Variants in PECAM1 observed in about 807,000 individuals in gnomAD.
The protein encoded by PECAM1 is platelet and endothelial cell adhesion molecule 1, also known as platelet endothelial cell adhesion molecule.
A neutral mutation model predicts 13.8 loss-of-function variants in PECAM1; 8 were observed. That is an observed-to-expected ratio of 0.58 (90% CI 0.34 to 1.05). The LOEUF (loss-of-function observed/expected upper bound fraction) is 1.05, where lower values mean the gene tolerates loss of function less well. PECAM1 is among the 50% of genes least tolerant of loss of function. The probability of loss-of-function intolerance (pLI) is 0.03; values close to 1 mark genes in which losing one functional copy is unlikely to be tolerated. For missense variants in PECAM1, 304 were observed against 141.2 expected, an observed-to-expected ratio of 2.15 and a Z score of -5.84; for synonymous variants, 136 against 52.6, an observed-to-expected ratio of 2.58 and a Z score of -6.86.
Position 64,350,735 on chromosome 17 carries a change from A to G in PECAM1, c.1991-302T>C, listed in dbSNP as rs2035703308. Among the ~76,000 whole-genome samples the G allele has an allele frequency of 2.7e-5, 4 of 146,758 alleles. No individual in the cohort carries two copies. The Admixed American group carries it at 2.8e-4, about 10-fold the overall frequency. ...CGGCTCACTGCAGCCTCCTCCTCCC[A>G]GATTCCAGCGATTCTCCTAGTCTCG... On this transcript the variant is annotated intron_variant, in intron 11 of 15. Coordinates refer to ENST00000563924, the MANE Select transcript of PECAM1 (RefSeq NM_000442.5).
chr17:64,368,935 T>C (rs1249456273), intron 5 of PECAM1, among the ~76,000 whole-genome samples: 20 of 104,716 alleles, frequency 1.9e-4, no homozygotes, highest in Non-Finnish European at 3.6e-4. Context: ...TCATTTCTTT[T>C]TTTTTTTTTT....
chr17:64,345,586 G>A (rs1274203663), intron 13 of PECAM1, among the ~76,000 whole-genome samples: 5 of 151,872 alleles, frequency 3.3e-5, no homozygotes, highest in South Asian at 2.1e-4. Context: ...GGTGGTGGGC[G>A]CCTGTAACCC....
Position 64,341,672 on chromosome 17 carries a change from G to A in PECAM1, c.2126C>T (p.Thr709Ile). 1 of 450,168 alleles carries A rather than the reference G, an allele frequency of 2.2e-6. No individual in the cohort carries two copies. The highest frequency in any genetic ancestry group is 4.1e-6 in the Non-Finnish European group (1 of 246,802). 27.9% of individuals were successfully genotyped at this position (450,168 alleles called of 1,614,324 possible). A position where few individuals can be genotyped will look rare whatever the true frequency, so the allele number is the denominator to read the frequency against. ...CCGGACTTCACTGTACACTGTCTCTGTGTCCTTCTTTCCTAGATCTGGAAA... is the reference window on the plus strand; with the variant it reads ...CCGGACTTCACTGTACACTGTCTCTATGTCCTTCTTTCCTAGATCTGGAAA... ...ESHKDLGKKD[T>I]ETVYSEVRKA... Residue 709 changes from threonine to isoleucine, a missense_variant, in exon 14 of 16, where the codon ACA (threonine) becomes ATA (isoleucine). Coordinates refer to ENST00000563924, the MANE Select transcript of PECAM1 (RefSeq NM_000442.5).
intron 13 of PECAM1, among the ~76,000 whole-genome samples, chr17:64,347,324 G>A (rs888869143): frequency 2.6e-5 from 4 of 151,596 alleles, no homozygotes; most frequent in East Asian, 3.9e-4. Flanking sequence ...TCGAGTTCAC[G>A]CTGGCCAACA....
intron 2 of PECAM1, among the ~76,000 whole-genome samples, chr17:64,385,072 A>G (rs1369178392): frequency 6.6e-6 from 1 of 152,204 alleles, no homozygotes; most frequent in Non-Finnish European, 1.5e-5. Context: ...AATTGTGTGC[A>G]AATGTGTGCT....
At chr17:64,365,991 A>T (rs2036095099) in intron 5 of PECAM1, among the ~76,000 whole-genome samples, 1 of 151,876 alleles carries the variant, frequency 6.6e-6, no homozygotes, top group Non-Finnish European at 1.5e-5. Flanking sequence ...ATTAAACTAA[A>T]GAGTTTCTGC....
chr17:64,385,756 T>G (rs1311232425), intron 2 of PECAM1, among the ~76,000 whole-genome samples: 1 of 152,132 alleles, frequency 6.6e-6, no homozygotes, highest in African/African-American at 2.4e-5. Context: ...AAGTGACCAC[T>G]GAACTGAGCC....
chr17:64,377,184 C>T (rs1395381311), intron 3 of PECAM1, among the ~76,000 whole-genome samples: 2 of 152,074 alleles, frequency 1.3e-5, no homozygotes, highest in Admixed American at 6.6e-5. Context: ...GACTGCAGAA[C>T]GAGGTGTCTT....
At chr17:64,345,310 C>T (rs1482496578) in intron 13 of PECAM1, among the ~76,000 whole-genome samples, 1 of 152,156 alleles carries the variant, frequency 6.6e-6, no homozygotes, top group Non-Finnish European at 1.5e-5. Flanking sequence ...TTCCTGGCTG[C>T]CTCTCAGGCT....
intron 13 of PECAM1, among the ~76,000 whole-genome samples, chr17:64,346,125 G>A (rs1347950819): frequency 6.6e-6 from 1 of 152,192 alleles, no homozygotes; most frequent in African/African-American, 2.4e-5. Flanking sequence ...TGCCTGGCTA[G>A]GTGGATGCAG....
intron 2 of PECAM1, among the ~76,000 whole-genome samples, chr17:64,380,448 C>G (rs1490805081): frequency 6.6e-6 from 1 of 152,234 alleles, no homozygotes; most frequent in East Asian, 1.9e-4. Flanking sequence ...CCCTACACGT[C>G]CCCCCAGAAA....
chr17:64,342,352 G>A (rs1182808902), intron 13 of PECAM1, among the ~76,000 whole-genome samples: 16 of 152,090 alleles, frequency 1.1e-4, no homozygotes, highest in Admixed American at 6.6e-5. Context: ...CCCTGCCACC[G>A]TGACCCTTGT....
rs2036027455 is a variant in PECAM1, at chr17:64,363,269, C to T, written c.1096G>A (p.Val366Met). Residue 366 changes from valine to methionine, a missense_variant, in exon 6 of 16, where the codon GTG becomes ATG. Physicochemically the swap from Val to Met is conservative, Grantham distance 21 (BLOSUM62 1). Coordinates refer to ENST00000563924, the MANE Select transcript of PECAM1 (RefSeq NM_000442.5). The part of the protein sequence containing the change: ...NFTIQKEDTI[V>M]SQTQDFTKIA... Reference sequence around the variant, plus strand: ...TTGGTGAAATCTTGAGTCTGTGACACAATCGTATCTTCCTTCTGGATGGTG... The same window carrying T: ...TTGGTGAAATCTTGAGTCTGTGACATAATCGTATCTTCCTTCTGGATGGTG... 8.4e-6 allele frequency: 4 copies of T among 475,336 alleles called. No homozygotes were observed. The highest frequency in any genetic ancestry group is 2.0e-5 in the African/African-American group (1 of 50,510). The allele number at this position is 475,336 out of a possible 1,614,324, so 29.4% of individuals were successfully genotyped here. A position where few individuals can be genotyped will look rare whatever the true frequency, so the allele number is the denominator to read the frequency against.
At chr17:64,355,178 A>G (rs1275344217) in intron 8 of PECAM1, 138 bp from the exon 9 acceptor site, 4 of 400,810 alleles carry the variant, frequency 1.0e-5, no homozygotes, top group African/African-American at 4.1e-5. Context: ...CTTAGCATCC[A>G]TCTACCTCTG....
At position 64,345,711 on chromosome 17, in the gene PECAM1, TAA is replaced by T. The variant is rs34143232; in HGVS notation, c.2107+2547_2107+2548del. Among the ~76,000 whole-genome samples the T allele has an allele frequency of 8.8e-3, 716 of 81,570 alleles. 1 individual carries two copies. Among genetic ancestry groups the T allele is most frequent in the African/African-American group, 0.023 (667 of 28,458 alleles). 53.5% of individuals were successfully genotyped at this position (81,570 alleles called of 152,430 possible). A position where few individuals can be genotyped will look rare whatever the true frequency, so the allele number is the denominator to read the frequency against. ...CTGGGCAACAAGAGCAAGACTGTCA[TAA>T]AAAAAAAAAAAAAAAAAAAATGAGG... On this transcript the variant is annotated intron_variant, in intron 13 of 15. Coordinates refer to ENST00000563924, the MANE Select transcript of PECAM1 (RefSeq NM_000442.5).
chr17:64,346,360 G>A (rs2035570229), intron 13 of PECAM1, among the ~76,000 whole-genome samples: 1 of 151,988 alleles, frequency 6.6e-6, no homozygotes, highest in Admixed American at 6.6e-5. Flanking sequence ...TTTTTTAGAC[G>A]GAGTCTTGCT....
intron 14 of PECAM1, among the ~76,000 whole-genome samples, chr17:64,338,496 C>A (rs1393098660): frequency 6.6e-6 from 1 of 151,904 alleles, no homozygotes; most frequent in Non-Finnish European, 1.5e-5. Context: ...ACCATCTTTC[C>A]TTTGTCTTGT....
intron 3 of PECAM1, among the ~76,000 whole-genome samples, chr17:64,377,259 A>G (rs2036380772): frequency 6.6e-6 from 1 of 152,212 alleles, no homozygotes. Context: ...TCAGAGCTGT[A>G]CTGACTGGCA....
intron 14 of PECAM1, among the ~76,000 whole-genome samples, chr17:64,331,463 G>C (rs1325652187): frequency 1.3e-5 from 2 of 152,248 alleles, no homozygotes; most frequent in African/African-American, 4.8e-5. Flanking sequence ...TGGGATTACA[G>C]GCATGAGCCA....
Sources: allele counts gnomAD v4.1 joint callset (sites outside exome capture counted in the v4.1 genomes callset), GRCh38; gene constraint gnomAD v4.1.1; transcripts MANE v1.5; gene names NCBI Gene and HGNC (gene_info 2026-07-23, HGNC 2026-07-21).